MAGI2: variants seen among roughly 807,000 people sequenced by gnomAD.
MAGI2 encodes membrane associated guanylate kinase, WW and PDZ domain containing 2.
MAGI2 carries 35 observed loss-of-function variants against 133.3 expected under a neutral mutation model. The observed-to-expected ratio is 0.26, with a 90% CI of 0.20 to 0.35. MAGI2 has a LOEUF of 0.35. MAGI2 is among the 10% of genes least tolerant of loss of function. MAGI2 has a pLI of 1.00. For missense variants in MAGI2, 1,636 were observed against 1,863.4 expected, an observed-to-expected ratio of 0.88 and a Z score of 2.25; for synonymous variants, 729 against 710.6, an observed-to-expected ratio of 1.03 and a Z score of -0.41.
intron 6 of MAGI2, among the ~76,000 whole-genome samples, chr7:78,466,336 T>C (rs943082066): frequency 2.0e-5 from 3 of 152,162 alleles, no homozygotes; most frequent in Non-Finnish European, 2.9e-5. Context: ...CCCATTCCAC[T>C]TTGCACTGGA....
chr7:78,160,239 G>A lies in MAGI2; in HGVS notation c.2631C>T (p.Gly877=). Residue 877 remains glycine, a synonymous_variant, in exon 16 of 22, where the codon GGC becomes GGT. Transcript: ENST00000354212. ...EPCPENGRSP[G]SVSTHHSSPR... is the part of the protein sequence containing the mutation. The stretch of plus-strand genomic sequence containing the variant: ...GAGAGCTGTGGTGGGTGGATACAGA[G>A]CCTGGACTTCTCCCGTTCTCTGGGC... The A allele has an allele frequency of 1.2e-6, 2 of 1,605,304 alleles. No individual in the cohort carries two copies. The highest frequency in any genetic ancestry group is 1.7e-6 in the Non-Finnish European group (2 of 1,175,134).
intron 6 of MAGI2, among the ~76,000 whole-genome samples, chr7:78,437,330 A>G (rs936303972): frequency 3.3e-5 from 5 of 152,102 alleles, no homozygotes; most frequent in African/African-American, 1.2e-4. Context: ...CTACTAAATG[A>G]CTCATAAAAG....
chr7:78,648,002 G>A (rs560179265), intron 2 of MAGI2, among the ~76,000 whole-genome samples: 2 of 152,228 alleles, frequency 1.3e-5, no homozygotes, highest in East Asian at 3.9e-4. Context: ...GTTGCAGGGT[G>A]GGGTGCTGGT....
intron 3 of MAGI2, among the ~76,000 whole-genome samples, chr7:78,624,036 G>C (rs1349928489): frequency 1.3e-5 from 2 of 152,122 alleles, no homozygotes; most frequent in African/African-American, 2.4e-5. Flanking sequence ...TGACATGTGA[G>C]ATGGTATCTC....
At chr7:79,408,089 T>C (rs529770020) in intron 1 of MAGI2, among the ~76,000 whole-genome samples, 2 of 152,262 alleles carry the variant, frequency 1.3e-5, no homozygotes, top group South Asian at 2.1e-4. Context: ...TTTTAAATGC[T>C]ATAAATAGAA....
At chr7:79,415,705 A>G (rs1029770244) in intron 1 of MAGI2, 2 of 152,142 alleles carry the variant, frequency 1.3e-5, no homozygotes, top group African/African-American at 4.8e-5. Context: ...ACCAGATTAA[A>G]CAGTACCAGA....
chr7:78,033,489 A>AAG (rs1428447927), intron 21 of MAGI2, among the ~76,000 whole-genome samples: 49 of 151,308 alleles, frequency 3.2e-4, no homozygotes, highest in African/African-American at 1.1e-3. Context: ...AAAAAAAAAA[A>AAG]AAAGAAAAAA....
chr7:78,633,420 G>A (rs571882089), intron 2 of MAGI2, among the ~76,000 whole-genome samples: 1 of 152,066 alleles, frequency 6.6e-6, no homozygotes, highest in South Asian at 2.1e-4. Context: ...TAAAGTGAGA[G>A]AATGGCTGGG....
chr7:78,924,948 T>C (rs1799577287), intron 2 of MAGI2, among the ~76,000 whole-genome samples: 1 of 151,910 alleles, frequency 6.6e-6, no homozygotes, highest in Non-Finnish European at 1.5e-5. Flanking sequence ...ATAATTGTGC[T>C]CTCCAGGTTG....
At chr7:78,641,114 G>A (rs904413141) in intron 2 of MAGI2, among the ~76,000 whole-genome samples, 9 of 152,104 alleles carry the variant, frequency 5.9e-5, no homozygotes, top group Admixed American at 4.6e-4. Flanking sequence ...TTCCCCTTCC[G>A]ACATGATTGT....
chr7:78,701,251 T>A (rs12667769), intron 2 of MAGI2, among the ~76,000 whole-genome samples: 5,174 of 152,020 alleles, frequency 0.034, 243 homozygotes, highest in African/African-American at 0.11. Flanking sequence ...AAACATCTGG[T>A]TGGTTTGATC....
At chr7:78,253,638 C>A (rs1268181507) in intron 10 of MAGI2, 1 of 152,176 alleles carries the variant, frequency 6.6e-6, no homozygotes, top group Non-Finnish European at 1.5e-5. Flanking sequence ...TGTGACTATA[C>A]ATACAAACAA....
Position 78,873,243 on chromosome 7 carries a change from T to C in MAGI2, c.418+133847A>G, listed in dbSNP as rs10242250. ...CTACTAAGGCTCCCCTATGAAATAC[T>C]ATACAACAGGGGTCCCCAACCCCTG... On this transcript the variant is annotated intron_variant, in intron 2 of 21. Transcript: ENST00000354212. Among the ~76,000 whole-genome samples, 1,172 of 152,306 alleles carry C rather than the reference T, an allele frequency of 7.7e-3. 20 individuals are homozygous for C. Among genetic ancestry groups the C allele is most frequent in the African/African-American group, 0.027 (1,107 of 41,564 alleles).
Position 78,855,430 on chromosome 7 carries a change from G to A in MAGI2, c.418+151660C>T, listed in dbSNP as rs568807443. On this transcript the variant is annotated intron_variant, in intron 2 of 21. Transcript: ENST00000354212. ...TCCCTCCACCCCATGACAGGCCCCA[G>A]TGTGTGATGTTCCCCACCCTGTATC... Among the ~76,000 whole-genome samples, 1,421 of 152,200 alleles carry A rather than the reference G, an allele frequency of 9.3e-3. 15 individuals are homozygous for A. Among genetic ancestry groups the A allele is most frequent in the Middle Eastern group, 0.027 (8 of 294 alleles).
At chr7:78,381,854 T>C (rs1383441723) in intron 6 of MAGI2, among the ~76,000 whole-genome samples, 1 of 152,186 alleles carries the variant, frequency 6.6e-6, no homozygotes, top group African/African-American at 2.4e-5. Context: ...GGATGGACAA[T>C]GTGGTACAAC....
chr7:78,650,544 T>C (rs996552037), intron 2 of MAGI2, among the ~76,000 whole-genome samples: 2 of 152,166 alleles, frequency 1.3e-5, no homozygotes, highest in Non-Finnish European at 2.9e-5. Flanking sequence ...CTTCAAAATA[T>C]GTGTTCAGTC....
chr7:78,194,414 A>G (rs1292502056), intron 12 of MAGI2, among the ~76,000 whole-genome samples: 2 of 152,274 alleles, frequency 1.3e-5, no homozygotes, highest in East Asian at 1.9e-4. Context: ...TTCGAAACCA[A>G]TTGATTTCAT....
At chr7:78,082,189 T>C (rs894980238) in intron 20 of MAGI2, among the ~76,000 whole-genome samples, 2 of 152,186 alleles carry the variant, frequency 1.3e-5, no homozygotes, top group South Asian at 2.1e-4. Context: ...GGTCCCATAC[T>C]TGAGTTTAGC....
intron 2 of MAGI2, among the ~76,000 whole-genome samples, chr7:78,713,074 A>C (rs186844055): frequency 1.0e-3 from 159 of 152,256 alleles, no homozygotes; most frequent in African/African-American, 3.6e-3. Flanking sequence ...TTTTTTCCCC[A>C]AAAAATATGC....
Sources: gnomAD v4.1 joint callset for allele counts (sites outside exome capture counted in the v4.1 genomes callset) on GRCh38, gnomAD v4.1.1 for gene constraint, MANE v1.5 for transcripts, NCBI Gene and HGNC (gene_info 2026-07-23, HGNC 2026-07-21) for gene names.